Variants in WHAMM observed in about 807,000 individuals in gnomAD.
WHAMM encodes the protein WASP homolog associated with actin, golgi membranes and microtubules.
In WHAMM, 67 loss-of-function variants were observed where a neutral mutation model predicts 76.5. The ratio of observed to expected loss-of-function variants is 0.88; its 90% confidence interval spans 0.72 to 1.07. WHAMM has a LOEUF of 1.07. WHAMM is among the 50% of genes least tolerant of loss of function. The pLI, the probability that WHAMM is intolerant of heterozygous loss-of-function variation, is 0.00. For missense variants in WHAMM, 1,021 were observed against 1,051.1 expected, an observed-to-expected ratio of 0.97 and a Z score of 0.40; for synonymous variants, 419 against 422.1, an observed-to-expected ratio of 0.99 and a Z score of 0.09.
rs780701220 is a variant in WHAMM at position 82,816,734 on chromosome 15, G to A, written c.826G>A (p.Ala276Thr). ...TGACCTAGGTCCTAGAAGGGTAGTT[G>A]CCCTGGAGAAAGAAGCTGAAGAATG... ...EDDLGPRRVV[A>T]LEKEAEEWTR... The change falls in exon 3 of 10, where the codon GCC (alanine) becomes ACC (threonine). Residue 276 changes from alanine to threonine, a missense_variant. Ala to Thr is a moderately conservative substitution (Grantham distance 58). Coordinates refer to ENST00000286760, the MANE Select transcript of WHAMM (RefSeq NM_001080435.3). 1.3e-6 allele frequency: 2 copies of A among 1,557,920 alleles called. No homozygotes were observed. Among genetic ancestry groups the A allele is most frequent in the African/African-American group, 1.4e-5 (1 of 73,478 alleles).
chr15:82,833,091 A>G lies in WHAMM; in HGVS notation c.2123-138A>G. On this transcript the variant is annotated intron_variant, in intron 9 of 9. Coordinates refer to ENST00000286760, the MANE Select transcript of WHAMM (RefSeq NM_001080435.3). ...GGAGCTTATCGTTAGCACGTAATCAAGGCATTTGCTTAATGAAGTGATTAT... is the reference window on the plus strand; with the variant it reads ...GGAGCTTATCGTTAGCACGTAATCAGGGCATTTGCTTAATGAAGTGATTAT... 3.1e-5 allele frequency: 32 copies of G among 1,020,134 alleles called. 3 individuals are homozygous for G. In the South Asian group the frequency reaches 4.7e-4, roughly 15 times the overall value. 63.2% of individuals were successfully genotyped at this position (1,020,134 alleles called of 1,614,324 possible). A position where few individuals can be genotyped will look rare whatever the true frequency, so the allele number is the denominator to read the frequency against.
Position 82,831,061 on chromosome 15 carries a change from GA to G in WHAMM, c.2107del (p.Ser703ValfsTer15). 6.2e-7 allele frequency: 1 copy of G among 1,607,426 alleles called. No homozygotes were observed. On this transcript the variant is annotated frameshift_variant, in exon 9 of 10. Transcript: ENST00000286760. LOFTEE classifies it low-confidence loss of function (END_TRUNC). ...TGCTGAGCGACCACGTGACTCCTTGGAAAGTTTTTCATGTCCAGGTAATCCA... is the reference window on the plus strand; with the variant it reads ...TGCTGAGCGACCACGTGACTCCTTGGAAGTTTTTCATGTCCAGGTAATCCA... ...SPAERPRDSLESFSCPGSMDE... is the reference protein window; with the variant it reads ...SPAERPRDSLXSFSCPGSMDE...
At chr15:82,824,669 T>C (rs1476179771) in intron 6 of WHAMM, among the ~76,000 whole-genome samples, 1 of 152,150 alleles carries the variant, frequency 6.6e-6, no homozygotes, top group Non-Finnish European at 1.5e-5. Context: ...TTTCACCATG[T>C]TGGTCAGACT....
chr15:82,826,780 A>G lies in WHAMM; in HGVS notation c.1575A>G (p.Gln525=). The G allele has an allele frequency of 3.9e-6, 6 of 1,549,188 alleles. No individual in the cohort carries two copies. The highest frequency in any genetic ancestry group is 5.2e-6 in the Non-Finnish European group (6 of 1,146,888). ...MKRDKIKEEE[Q]KKKEWINQER... Reference sequence around the variant, plus strand: ...GAGACAAGATAAAAGAAGAGGAGCAAAAGAAAAAAGAATGGATCAACCAAG... The same window carrying G: ...GAGACAAGATAAAAGAAGAGGAGCAGAAGAAAAAAGAATGGATCAACCAAG... The change falls in exon 8 of 10, where the codon CAA becomes CAG. Residue 525 remains glutamine (Q), a synonymous_variant. Coordinates refer to ENST00000286760, the MANE Select transcript of WHAMM (RefSeq NM_001080435.3).
rs1276575656 is a variant in WHAMM at position 82,818,045 on chromosome 15, A to G, written c.1060A>G (p.Lys354Glu). The G allele has an allele frequency of 4.5e-6, 7 of 1,552,312 alleles. No homozygotes were observed. In the African/African-American group the frequency reaches 5.5e-5, roughly 12 times the overall value. Residue 354 changes from lysine to glutamate, a missense_variant, in exon 4 of 10, where the codon AAA (lysine) becomes GAA (glutamate). Around this residue, in one of 3 missense-constraint regions of WHAMM, gnomAD observed 501 missense variants for 524.9 expected, o/e 0.95. Coordinates refer to ENST00000286760, the MANE Select transcript of WHAMM (RefSeq NM_001080435.3). ...ARETLQLMRAKELCLNHKRAE... is the reference protein window; with the variant it reads ...ARETLQLMRAEELCLNHKRAE... ...AGAGACTCTGCAACTCATGAGAGCG[A>G]AAGAGTTGTGTTTAAATCACAAAAG...
chr15:82,823,715 G>A (rs1375360110), intron 6 of WHAMM, among the ~76,000 whole-genome samples: 2 of 152,054 alleles, frequency 1.3e-5, no homozygotes, highest in Non-Finnish European at 2.9e-5. Flanking sequence ...ACAGGCACGC[G>A]CCAGCACGCC....
At chr15:82,829,067 A>G (rs1566998230) in intron 8 of WHAMM, among the ~76,000 whole-genome samples, 1 of 152,230 alleles carries the variant, frequency 6.6e-6, no homozygotes, top group Non-Finnish European at 1.5e-5. Context: ...AAATAAAATC[A>G]TGTGATGCAT....
chr15:82,833,183 G>T, intron 9 of WHAMM, 46 bp from the exon 10 acceptor site: 1 of 1,567,250 alleles, frequency 6.4e-7, no homozygotes, highest in Non-Finnish European at 8.7e-7. Context: ...TCCTGGGAAG[G>T]GAAAGTGTTT....
Position 82,813,260 on chromosome 15 carries a change from G to T in WHAMM, c.767G>T (p.Cys256Phe). 6.4e-7 allele frequency: 1 copy of T among 1,563,392 alleles called. No homozygotes were observed. ...FRAMREVATL[C>F]KLDILKSLDE... ...GCTATGCGAGAAGTTGCAACTTTAT[G>T]TAAGCTTGATATTTTGGTATGTTTT... Residue 256 changes from cysteine (C) to phenylalanine (F), a missense_variant, in exon 2 of 10, where the codon TGT becomes TTT. Transcript: ENST00000286760.
At chr15:82,826,887 A>G in intron 8 of WHAMM, 41 bp downstream of exon 8, 1 of 1,511,748 alleles carries the variant, frequency 6.6e-7, no homozygotes, top group East Asian at 2.5e-5. Flanking sequence ...ACTTCTGGGG[A>G]AATAACTGAA....
At chr15:82,810,560 G>C in intron 1 of WHAMM, 4 of 985,480 alleles carry the variant, frequency 4.1e-6, no homozygotes, top group Non-Finnish European at 4.8e-6. Flanking sequence ...TTAGAGCCTA[G>C]TGTACTTGCA....
intron 1 of WHAMM, chr15:82,810,669 AAAC>A (rs772152799): frequency 3.0e-6 from 3 of 985,368 alleles, no homozygotes; most frequent in Non-Finnish European, 3.6e-6. Context: ...GCAAGACTGA[AAAC>A]AACCCATCCA....
Position 82,833,650 on chromosome 15 carries a change from G to T in WHAMM, c.*114G>T. On this transcript the variant is annotated 3_prime_UTR_variant, in exon 10 of 10. Transcript: ENST00000286760. Reference sequence around the variant, plus strand: ...TGATAGATGGGCCACATAACACCCCGGAAGATCAGCAGGGCCTTGTGTAGG... The same window carrying T: ...TGATAGATGGGCCACATAACACCCCTGAAGATCAGCAGGGCCTTGTGTAGG... The T allele has an allele frequency of 1.7e-6, 2 of 1,181,256 alleles. No homozygotes were observed. The highest frequency in any genetic ancestry group is 2.3e-6 in the Non-Finnish European group (2 of 857,430). 73.2% of individuals were successfully genotyped at this position (1,181,256 alleles called of 1,614,324 possible).
In WHAMM at chr15:82,823,092, A is replaced by C. The variant is rs2050862792; in HGVS notation, c.1271-8A>C. On this transcript the variant is annotated splice_polypyrimidine_tract_variant and splice_region_variant and intron_variant, in intron 5 of 9. Coordinates refer to ENST00000286760, the MANE Select transcript of WHAMM (RefSeq NM_001080435.3). ...ATATGTTTTAAACAATCATTAATACATTTTTAGAAAAACAAGATGAAGTTG... is the reference window on the plus strand; with the variant it reads ...ATATGTTTTAAACAATCATTAATACCTTTTTAGAAAAACAAGATGAAGTTG... 7.7e-7 allele frequency: 1 copy of C among 1,306,406 alleles called. No individual in the cohort carries two copies. The highest frequency in any genetic ancestry group is 9.8e-7 in the Non-Finnish European group (1 of 1,015,652). 80.9% of individuals were successfully genotyped at this position (1,306,406 alleles called of 1,614,324 possible).
intron 2 of WHAMM, among the ~76,000 whole-genome samples, chr15:82,814,309 GAC>G (rs925703019): frequency 1.1e-4 from 16 of 152,152 alleles, no homozygotes; most frequent in Non-Finnish European, 2.4e-4. Flanking sequence ...ATAATCTCAT[GAC>G]CCTTGCCAGA....
rs1385838150 is a variant in WHAMM at position 82,809,786 on chromosome 15, C to G, written c.60C>G (p.Phe20Leu). ...EGWVPVREGL[F>L]AEPERHRLRF... ...GGGTGCCGGTCCGGGAGGGCCTCTT[C>G]GCCGAGCCCGAGAGGCACCGGCTGC... Residue 20 changes from phenylalanine (F) to leucine (L), a missense_variant, in exon 1 of 10, where the codon TTC (phenylalanine) becomes TTG (leucine). By Grantham distance (22) the Phe-to-Leu change is conservative (BLOSUM62 0). Coordinates refer to ENST00000286760, the MANE Select transcript of WHAMM (RefSeq NM_001080435.3). 1 of 1,599,462 alleles carries G rather than the reference C, an allele frequency of 6.3e-7. No homozygotes were observed. The highest frequency in any genetic ancestry group is 8.5e-7 in the Non-Finnish European group (1 of 1,173,950).
Position 82,830,995 on chromosome 15 carries a change from G to C in WHAMM, c.2038G>C (p.Val680Leu). The change falls in exon 9 of 10, where the codon GTG becomes CTG. Residue 680 changes from valine (V) to leucine (L), a missense_variant. Physicochemically the swap from Val to Leu is conservative, Grantham distance 32. Coordinates refer to ENST00000286760, the MANE Select transcript of WHAMM (RefSeq NM_001080435.3). ...TCAGAACTTAGGCTTCCGGGCTCCA[G>C]TGAAAGATGACCAGCCACGTCCTCT... ...THQNLGFRAP[V>L]KDDQPRPLVC... The C allele has an allele frequency of 6.3e-7, 1 of 1,584,002 alleles. No homozygotes were observed. Among genetic ancestry groups the C allele is most frequent in the Non-Finnish European group, 8.6e-7 (1 of 1,166,300 alleles).
intron 1 of WHAMM, among the ~76,000 whole-genome samples, chr15:82,812,141 G>A (rs2050638448): frequency 6.6e-6 from 1 of 152,154 alleles, no homozygotes; most frequent in African/African-American, 2.4e-5. Context: ...GACTGCTAAG[G>A]GCTTCATGGG....
rs2050599914 is a variant in WHAMM at position 82,810,082 on chromosome 15, C to T, written c.356C>T (p.Ala119Val). 2.4e-6 allele frequency: 3 copies of T among 1,235,628 alleles called. No individual in the cohort carries two copies. The highest frequency in any genetic ancestry group is 8.7e-5 in the Admixed American group (2 of 23,060). 76.5% of individuals were successfully genotyped at this position (1,235,628 alleles called of 1,614,324 possible). A position where few individuals can be genotyped will look rare whatever the true frequency, so the allele number is the denominator to read the frequency against. Residue 119 changes from alanine to valine, a missense_variant, in exon 1 of 10, where the codon GCC becomes GTC. This residue lies in a region of WHAMM where 501 missense variants were observed against 524.9 expected (regional missense o/e 0.95). Transcript: ENST00000286760. Reference protein sequence around the residue: ...PPELDVGGGGAWGLGLGLWAL... With the variant: ...PPELDVGGGGVWGLGLGLWAL... ...GAGCTGGACGTGGGCGGCGGCGGGG[C>T]CTGGGGTCTGGGGCTCGGGCTGTGG...
Sources: allele counts gnomAD v4.1 joint callset (sites outside exome capture counted in the v4.1 genomes callset), GRCh38; gene constraint gnomAD v4.1.1; regional missense constraint gnomAD v4.1.1; transcripts MANE v1.5; gene names NCBI Gene and HGNC (gene_info 2026-07-23, HGNC 2026-07-21).